The following TRAF1 variants were observed in gnomAD, a reference collection of about 807,000 sequenced individuals.
TRAF1 encodes the protein TNF receptor-associated factor 1.
Under a neutral mutation model 40.9 loss-of-function variants are expected in TRAF1, and 23 were observed. The observed-to-expected ratio is 0.56, with a 90% CI of 0.40 to 0.80. The LOEUF is 0.80. Ranked by LOEUF, TRAF1 falls within the 30% of genes least tolerant of loss-of-function variation. The pLI is 0.00. For synonymous variants in TRAF1, 206 were observed against 218.8 expected, an observed-to-expected ratio of 0.94 and a Z score of 0.52; for missense variants, 477 against 528.7, an observed-to-expected ratio of 0.90 and a Z score of 0.96.
At chr9:120,915,301 C>A (rs868263910) in intron 3 of TRAF1, among the ~76,000 whole-genome samples, 9 of 152,168 alleles carry the variant, frequency 5.9e-5, no homozygotes, top group African/African-American at 2.2e-4. Flanking sequence ...CTGTACAGCA[C>A]GTGACCATAC....
intron 2 of TRAF1, 110 bp from the exon 3 acceptor site, chr9:120,923,902 C>T (rs1004672201): frequency 4.1e-6 from 4 of 966,124 alleles, no homozygotes; most frequent in South Asian, 2.6e-5. Context: ...TGATCATGTA[C>T]GTCCACAATC....
In TRAF1 at chr9:120,905,184, G is replaced by A. The variant is rs199835146; in HGVS notation, c.1087C>T (p.Arg363Trp). The change falls in exon 8 of 8, where the codon CGG becomes TGG. Residue 363 changes from arginine to tryptophan, a missense_variant. By Grantham distance (101) the Arg-to-Trp change is moderately radical. Transcript: ENST00000373887. ...NNREHAIDAF[R>W]PDLSSASFQR... is the part of the protein sequence containing the mutation. ...AAGGACGCTGAGCTTAGGTCAGGCC[G>A]GAAGGCGTCAATGGCGTGCTCACGG... 75 of 1,613,990 alleles carry A rather than the reference G, an allele frequency of 4.6e-5. No individual in the cohort carries two copies. The highest frequency in any genetic ancestry group is 3.3e-4 in the Middle Eastern group (2 of 6,062).
In TRAF1 at chr9:120,902,819, G is replaced by C. The variant is rs1588145736; in HGVS notation, c.*2201C>G. 6.6e-6 allele frequency: 1 copy of C among 152,346 alleles called. No homozygotes were observed. Among genetic ancestry groups the C allele is most frequent in the Non-Finnish European group, 1.5e-5 (1 of 68,056 alleles). The allele number at this position is 152,346 out of a possible 1,614,324, so 9.4% of individuals were successfully genotyped here. A position where few individuals can be genotyped will look rare whatever the true frequency, so the allele number is the denominator to read the frequency against. On this transcript the variant is annotated 3_prime_UTR_variant, in exon 8 of 8. Coordinates refer to ENST00000373887, the MANE Select transcript of TRAF1 (RefSeq NM_005658.5). ...CTGCTCATTTCCTCCACTGAACTAAGAGTTTCTTGAGTCCAGAGTGCACAT... is the reference window on the plus strand; with the variant it reads ...CTGCTCATTTCCTCCACTGAACTAACAGTTTCTTGAGTCCAGAGTGCACAT...
At chr9:120,909,781 C>T (rs963418493) in intron 6 of TRAF1, among the ~76,000 whole-genome samples, 2 of 152,228 alleles carry the variant, frequency 1.3e-5, no homozygotes, top group Non-Finnish European at 2.9e-5. Flanking sequence ...AGTGGCTGGT[C>T]ACCATCTCAC....
At chr9:120,918,027 TGAA>T (rs1355425834) in intron 3 of TRAF1, among the ~76,000 whole-genome samples, 2 of 152,116 alleles carry the variant, frequency 1.3e-5, no homozygotes, top group African/African-American at 4.8e-5. Flanking sequence ...AGGGGAAATT[TGAA>T]GAAGGACCAC....
rs1358627279 is a variant in TRAF1 at position 120,903,304 on chromosome 9, T to C, written c.*1716A>G. The C allele has an allele frequency of 2.6e-5, 4 of 152,298 alleles. No individual in the cohort carries two copies. Among genetic ancestry groups the C allele is most frequent in the African/African-American group, 9.6e-5 (4 of 41,464 alleles). 9.4% of individuals were successfully genotyped at this position (152,298 alleles called of 1,614,324 possible). ...GCTCCATTATTGCAGTTGGGCCTCCTGAAAACCCCTAGAGCTGGAGAGGGC... is the reference window on the plus strand; with the variant it reads ...GCTCCATTATTGCAGTTGGGCCTCCCGAAAACCCCTAGAGCTGGAGAGGGC... On this transcript the variant is annotated 3_prime_UTR_variant, in exon 8 of 8. Coordinates refer to ENST00000373887, the MANE Select transcript of TRAF1 (RefSeq NM_005658.5).
chr9:120,913,217 T>C lies in TRAF1; in HGVS notation c.705+111A>G, dbSNP rs189599070. 56 of 1,320,058 alleles carry C rather than the reference T, an allele frequency of 4.2e-5. No homozygotes were observed. The Admixed American group carries it at 1.1e-3, about 25-fold the overall frequency. The allele number at this position is 1,320,058 out of a possible 1,614,324, so 81.8% of individuals were successfully genotyped here. ...GGGATAAAGGGGAGATACGTTTTGA[T>C]GGAGTGACTGCTGTAAGCAGGATGA... On this transcript the variant is annotated intron_variant, in intron 5 of 7. Transcript: ENST00000373887.
chr9:120,924,617 G>T (rs561375541), intron 2 of TRAF1, among the ~76,000 whole-genome samples: 7 of 152,154 alleles, frequency 4.6e-5, no homozygotes, highest in Non-Finnish European at 1.0e-4. Flanking sequence ...GTTTCACCTT[G>T]TTGGCCAGGC....
chr9:120,914,301 C>G lies in TRAF1; in HGVS notation c.229-1G>C. The G allele has an allele frequency of 6.6e-7, 1 of 1,512,186 alleles. No homozygotes were observed. The highest frequency in any genetic ancestry group is 1.3e-5 in the South Asian group (1 of 77,032). 93.7% of individuals were successfully genotyped at this position (1,512,186 alleles called of 1,614,324 possible). On this transcript the variant is annotated splice_acceptor_variant, in intron 3 of 7. Transcript: ENST00000373887. LOFTEE classifies it high-confidence loss of function. ...CAGCCTCAGCCACCTCGGGGTGAGC[C>G]TGGAAATAATAATCACATCACTGAA...
chr9:120,923,937 A>G (rs757551278), intron 2 of TRAF1, 145 bp from the exon 3 acceptor site: 13 of 774,506 alleles, frequency 1.7e-5, no homozygotes, highest in Non-Finnish European at 4.3e-6. Context: ...CCTAAATCGC[A>G]AAACTGCCGA....
At chr9:120,927,380 G>T (rs1387980303), upstream of TRAF1, 1 of 152,160 alleles carries the variant, frequency 6.6e-6, no homozygotes, top group Non-Finnish European at 1.5e-5. Context: ...TACTAACTGT[G>T]GGCCCTGGGA....
intron 2 of TRAF1, among the ~76,000 whole-genome samples, chr9:120,924,761 G>A (rs939320260): frequency 6.6e-6 from 1 of 152,188 alleles, no homozygotes; most frequent in African/African-American, 2.4e-5. Flanking sequence ...ACCTGCTACC[G>A]CTACCGAGAT....
rs999303264 is a variant in TRAF1 at position 120,904,879 on chromosome 9, G to A, written c.*141C>T. 1 of 872,218 alleles carries A rather than the reference G, an allele frequency of 1.1e-6. No individual in the cohort carries two copies. Among genetic ancestry groups the A allele is most frequent in the Non-Finnish European group, 1.7e-6 (1 of 574,860 alleles). The allele number at this position is 872,218 out of a possible 1,614,324, so 54.0% of individuals were successfully genotyped here. A position where few individuals can be genotyped will look rare whatever the true frequency, so the allele number is the denominator to read the frequency against. On this transcript the variant is annotated 3_prime_UTR_variant, in exon 8 of 8. Coordinates refer to ENST00000373887, the MANE Select transcript of TRAF1 (RefSeq NM_005658.5). ...ATCCTAACCAGATGGCCAGCCCGAA[G>A]TCGACCCCTCAGTCTTGCTTGGATC... is the stretch of plus-strand genomic sequence containing the variant.
intron 5 of TRAF1, 54 bp from the exon 6 acceptor site, chr9:120,911,567 T>C (rs2046527713): frequency 1.3e-6 from 2 of 1,580,206 alleles, no homozygotes; most frequent in African/African-American, 1.3e-5. Context: ...GGGGATGGGA[T>C]GGGAATGGCG....
chr9:120,914,601 G>A (rs771949205), intron 3 of TRAF1: 326 of 1,055,140 alleles, frequency 3.1e-4, no homozygotes, highest in Non-Finnish European at 3.6e-4. Context: ...CCGACTGGTC[G>A]GGGGGGCTCT....
chr9:120,923,701 G>A lies in TRAF1; in HGVS notation c.228+4C>T, dbSNP rs756635315. ...AAATGCCTTTCTGTGATGTGCCAAC[G>A]TACCTTCTCCTGAGTTCGAAGACGG... On this transcript the variant is annotated splice_donor_region_variant and intron_variant, in intron 3 of 7. Transcript: ENST00000373887. 13 of 1,613,836 alleles carry A rather than the reference G, an allele frequency of 8.1e-6. No individual in the cohort carries two copies. The highest frequency in any genetic ancestry group is 5.0e-5 in the Admixed American group (3 of 60,004).
Position 120,922,647 on chromosome 9 carries a change from G to A in TRAF1, c.228+1058C>T, listed in dbSNP as rs149977231. ...TGTGTCTCTTATTCCTAGAAGCACC[G>A]TTTGACAGAGCTCAGGACGTGAGCT... On this transcript the variant is annotated intron_variant, in intron 3 of 7. Coordinates refer to ENST00000373887, the MANE Select transcript of TRAF1 (RefSeq NM_005658.5). Among the ~76,000 whole-genome samples the A allele has an allele frequency of 1.5e-3, 222 of 152,198 alleles. 1 individual carries two copies. The highest frequency in any genetic ancestry group is 4.6e-3 in the African/African-American group (189 of 41,508).
intron 7 of TRAF1, among the ~76,000 whole-genome samples, chr9:120,905,977 C>A (rs937066207): frequency 7.1e-6 from 1 of 139,908 alleles, no homozygotes; most frequent in Non-Finnish European, 1.6e-5. Flanking sequence ...TTAAAAATCT[C>A]CCCAGCACCT....
chr9:120,907,901 C>T (rs1313286510), intron 7 of TRAF1, among the ~76,000 whole-genome samples: 5 of 151,566 alleles, frequency 3.3e-5, no homozygotes, highest in Admixed American at 3.3e-4. Flanking sequence ...TCTCTCTCTC[C>T]TCTTTCTTTG....
Sources: allele counts gnomAD v4.1 joint callset (sites outside exome capture counted in the v4.1 genomes callset), GRCh38; gene constraint gnomAD v4.1.1; transcripts MANE v1.5; gene names NCBI Gene and HGNC (gene_info 2026-07-23, HGNC 2026-07-21).